Variants in ENAH observed in about 807,000 individuals in gnomAD.
ENAH encodes ENAH actin regulator.
Under a neutral mutation model 78.7 loss-of-function variants are expected in ENAH, and 23 were observed. The ratio of observed to expected loss-of-function variants is 0.29; its 90% CI spans 0.21 to 0.41. ENAH has a LOEUF of 0.41. ENAH is among the 10% of genes least tolerant of loss of function. The pLI is 1.00. For missense variants in ENAH, 544 were observed against 691.0 expected, an observed-to-expected ratio of 0.79 and a Z score of 2.39; for synonymous variants, 226 against 241.0, an observed-to-expected ratio of 0.94 and a Z score of 0.58.
At chr1:225,620,938 G>A (rs1383541246) in intron 1 of ENAH, among the ~76,000 whole-genome samples, 1 of 151,962 alleles carries the variant, frequency 6.6e-6, no homozygotes, top group East Asian at 1.9e-4. Context: ...CTGGGAGGCA[G>A]AGACTGCAGT....
chr1:225,490,695 A>G lies in ENAH; in HGVS notation c.*7080T>C, dbSNP rs2096218413. ...CCATCCCTCTAGTAATAAAGAAGAA[A>G]GGAAATGCTACCTAGATTTTAACAG... On this transcript the variant is annotated 3_prime_UTR_variant, in exon 14 of 14. Transcript: ENST00000366843. The G allele has an allele frequency of 6.6e-6, 1 of 152,224 alleles. No homozygotes were observed. The highest frequency in any genetic ancestry group is 1.9e-4 in the East Asian group (1 of 5,196). 9.4% of individuals were successfully genotyped at this position (152,224 alleles called of 1,614,324 possible). A position where few individuals can be genotyped will look rare whatever the true frequency, so the allele number is the denominator to read the frequency against.
intron 1 of ENAH, among the ~76,000 whole-genome samples, chr1:225,601,589 C>T (rs1558888766): frequency 6.6e-6 from 1 of 151,398 alleles, no homozygotes; most frequent in Non-Finnish European, 1.5e-5. Context: ...GTCCTAAAAG[C>T]AATGACCTAC....
chr1:225,488,422 C>T lies in ENAH; in HGVS notation c.*9353G>A, dbSNP rs1263830641. The T allele has an allele frequency of 1.3e-5, 2 of 152,156 alleles. No individual in the cohort carries two copies. Among genetic ancestry groups the T allele is most frequent in the African/African-American group, 2.4e-5 (1 of 41,428 alleles). 9.4% of individuals were successfully genotyped at this position (152,156 alleles called of 1,614,324 possible). Reference sequence around the variant, plus strand: ...CTGAAGTTGTGCTCTGCTCACAGCACGAGTGTGGCTGTCCCTCTCTCGCTC... The same window carrying T: ...CTGAAGTTGTGCTCTGCTCACAGCATGAGTGTGGCTGTCCCTCTCTCGCTC... On this transcript the variant is annotated 3_prime_UTR_variant, in exon 14 of 14. Coordinates refer to ENST00000366843, the MANE Select transcript of ENAH (RefSeq NM_018212.6).
At position 225,585,146 on chromosome 1, in the gene ENAH, GC is replaced by G. The variant is rs759826927; in HGVS notation, c.6-17733del. On this transcript the variant is annotated intron_variant, in intron 1 of 13. Transcript: ENST00000366843. ...CAGGAGAATCGCTTGAGCCTGAGAGGCAGAGGTTGCAGCAAGCTGAGCTCAT... is the reference window on the plus strand; with the variant it reads ...CAGGAGAATCGCTTGAGCCTGAGAGGAGAGGTTGCAGCAAGCTGAGCTCAT... Among the ~76,000 whole-genome samples the G allele has an allele frequency of 4.4e-4, 63 of 143,374 alleles. 1 individual carries two copies. Among genetic ancestry groups the G allele is most frequent in the Non-Finnish European group, 8.2e-4 (55 of 66,724 alleles). The allele number at this position is 143,374 out of a possible 152,430, so 94.1% of individuals were successfully genotyped here. A position where few individuals can be genotyped will look rare whatever the true frequency, so the allele number is the denominator to read the frequency against.
intron 1 of ENAH, among the ~76,000 whole-genome samples, chr1:225,579,248 C>A (rs938313567): frequency 6.6e-6 from 1 of 152,188 alleles, no homozygotes; most frequent in Non-Finnish European, 1.5e-5. Flanking sequence ...ATTAGTTCCA[C>A]AAAATTACCT....
chr1:225,581,716 C>A (rs1260883449), intron 1 of ENAH, among the ~76,000 whole-genome samples: 1 of 151,986 alleles, frequency 6.6e-6, no homozygotes, highest in African/African-American at 2.4e-5. Flanking sequence ...TTTTCTGAGA[C>A]AGGGTTTCAC....
At chr1:225,534,349 C>T (rs754379377) in intron 3 of ENAH, among the ~76,000 whole-genome samples, 5 of 152,148 alleles carry the variant, frequency 3.3e-5, no homozygotes, top group Non-Finnish European at 7.4e-5. Flanking sequence ...ACTGTGTCCT[C>T]TGGAACAATC....
At chr1:225,610,178 A>T (rs1196970709) in intron 1 of ENAH, among the ~76,000 whole-genome samples, 3 of 151,630 alleles carry the variant, frequency 2.0e-5, no homozygotes, top group Non-Finnish European at 2.9e-5. Flanking sequence ...AAAAACTAGC[A>T]TTGCCTAAAA....
At chr1:225,631,166 TGACA>T (rs891862444) in intron 1 of ENAH, among the ~76,000 whole-genome samples, 4 of 152,194 alleles carry the variant, frequency 2.6e-5, no homozygotes, top group Non-Finnish European at 5.9e-5. Flanking sequence ...CTATACTGAC[TGACA>T]ATTTTTGTTG....
intron 1 of ENAH, among the ~76,000 whole-genome samples, chr1:225,650,965 C>A (rs535699244): frequency 6.7e-6 from 1 of 149,880 alleles, no homozygotes; most frequent in South Asian, 2.1e-4. Flanking sequence ...AAGATCCCTA[C>A]GGCATTAGAT....
At position 225,492,445 on chromosome 1, in the gene ENAH, C is replaced by T. The variant is rs1402515569; in HGVS notation, c.*5330G>A. ...ACTCAAATGGTATATTCTTTTTACT[C>T]TCAGCCACCAACTGGGGCCCCTAAT... On this transcript the variant is annotated 3_prime_UTR_variant, in exon 14 of 14. Transcript: ENST00000366843. 1 of 152,210 alleles carries T rather than the reference C, an allele frequency of 6.6e-6. No homozygotes were observed. Among genetic ancestry groups the T allele is most frequent in the Non-Finnish European group, 1.5e-5 (1 of 68,066 alleles). 9.4% of individuals were successfully genotyped at this position (152,210 alleles called of 1,614,324 possible). A position where few individuals can be genotyped will look rare whatever the true frequency, so the allele number is the denominator to read the frequency against.
chr1:225,582,163 C>T (rs4129816), intron 1 of ENAH, among the ~76,000 whole-genome samples: 13,827 of 151,414 alleles, frequency 0.091, 682 homozygotes, highest in Admixed American at 0.15. Context: ...GTCTTCCCCC[C>T]CTCTCTCTCT....
At chr1:225,603,970 CTTTTGCATACCAGG>C (rs1429979016) in intron 1 of ENAH, among the ~76,000 whole-genome samples, 1 of 152,310 alleles carries the variant, frequency 6.6e-6, no homozygotes, top group East Asian at 1.9e-4. Context: ...ACCCAGTAGC[CTTTTGCATACCAGG>C]TTTTCAGGGG....
intron 1 of ENAH, among the ~76,000 whole-genome samples, chr1:225,580,687 G>A (rs528711407): frequency 1.3e-5 from 2 of 152,164 alleles, no homozygotes; most frequent in South Asian, 4.2e-4. Flanking sequence ...GGAGGCCAAG[G>A]TGGGTGGATC....
chr1:225,515,167 C>A, intron 6 of ENAH: 1 of 398,444 alleles, frequency 2.5e-6, no homozygotes. Flanking sequence ...TTTTTTTTTT[C>A]ATGGGGATTT....
intron 3 of ENAH, among the ~76,000 whole-genome samples, chr1:225,545,240 G>A (rs1307540273): frequency 6.6e-6 from 1 of 152,080 alleles, no homozygotes; most frequent in Admixed American, 6.5e-5. Flanking sequence ...TCTGACACAC[G>A]GCCTTTAAGA....
At chr1:225,646,009 G>A (rs1347894019) in intron 1 of ENAH, among the ~76,000 whole-genome samples, 2 of 152,138 alleles carry the variant, frequency 1.3e-5, no homozygotes, top group African/African-American at 4.8e-5. Context: ...CCAGTGTAAA[G>A]AGATTTCTAG....
chr1:225,652,027 G>A (rs1558968329), intron 1 of ENAH, among the ~76,000 whole-genome samples: 2 of 152,048 alleles, frequency 1.3e-5, no homozygotes, highest in Admixed American at 1.3e-4. Flanking sequence ...ACAGAGAAAG[G>A]GGAGAAAAGG....
chr1:225,578,934 T>C (rs1450010067), intron 1 of ENAH, among the ~76,000 whole-genome samples: 2 of 152,212 alleles, frequency 1.3e-5, no homozygotes, highest in Admixed American at 1.3e-4. Context: ...CCAGTGTTGA[T>C]ACTAATAATA....
Sources: gnomAD v4.1 joint callset for allele counts (sites outside exome capture counted in the v4.1 genomes callset) on GRCh38, gnomAD v4.1.1 for gene constraint, MANE v1.5 for transcripts, NCBI Gene and HGNC (gene_info 2026-07-23, HGNC 2026-07-21) for gene names.